The following EIF2S3 variants were observed in gnomAD, a reference collection of about 807,000 sequenced individuals.
EIF2S3 encodes the protein eukaryotic translation initiation factor 2 subunit 3.
A neutral mutation model predicts 31.7 loss-of-function variants in EIF2S3; 2 were observed. That is an observed-to-expected ratio of 0.06 (90% confidence interval 0.03 to 0.20). EIF2S3 has a LOEUF of 0.20. Ranked by LOEUF, EIF2S3 falls within the 10% of genes least tolerant of loss-of-function variation. EIF2S3 has a pLI of 1.00. For missense variants in EIF2S3, 96 were observed against 359.3 expected (o/e 0.27, Z 5.92); for synonymous variants, 120 against 126.7 (o/e 0.95, Z 0.36).
chrX:24,069,019 C>T (rs1185182963), intron 9 of EIF2S3, among the ~76,000 whole-genome samples: 1 of 111,143 alleles, frequency 9.0e-6, no homozygotes, highest in Non-Finnish European at 1.9e-5. Flanking sequence ...TAATTCTTCA[C>T]CCAATAAGTT....
chrX:24,062,965 C>T (rs1367025603), intron 6 of EIF2S3, among the ~76,000 whole-genome samples: 2 of 111,725 alleles, frequency 1.8e-5, no homozygotes, highest in East Asian at 2.8e-4. Flanking sequence ...GAGTGTCGGC[C>T]GGGCATGGTG....
chrX:24,067,222 G>T (rs1422628277), intron 8 of EIF2S3, among the ~76,000 whole-genome samples: 1 of 110,946 alleles, frequency 9.0e-6, no homozygotes, highest in Non-Finnish European at 1.9e-5. Flanking sequence ...TTTTTTGGTA[G>T]AGATGGGGTT....
intron 5 of EIF2S3, among the ~76,000 whole-genome samples, chrX:24,061,094 A>G: frequency 9.4e-6 from 1 of 106,526 alleles, no homozygotes. Context: ...TGTCTCTGCT[A>G]AAACTACAAA....
intron 9 of EIF2S3, among the ~76,000 whole-genome samples, chrX:24,068,529 C>G (rs1290359282): frequency 5.5e-5 from 6 of 109,748 alleles, no homozygotes; most frequent in Non-Finnish European, 1.1e-4. Flanking sequence ...ACTGCAGCCT[C>G]TGCCTCCCAG....
At position 24,057,619 on chromosome X, in the gene EIF2S3, T is replaced by A. The variant is rs1327972932; in HGVS notation, c.262-14T>A. The A allele has an allele frequency of 1.7e-6, 2 of 1,208,498 alleles. No individual in the cohort carries two copies. The highest frequency in any genetic ancestry group is 4.5e-5 in the Admixed American group (2 of 44,941). On this transcript the variant is annotated splice_polypyrimidine_tract_variant and intron_variant, in intron 3 of 11. Transcript: ENST00000253039. ...CAGATAACAAATCAAAATCTTTTTTTATTGAAATTTTAGATTTATAAGCTT... is the reference window on the plus strand; with the variant it reads ...CAGATAACAAATCAAAATCTTTTTTAATTGAAATTTTAGATTTATAAGCTT...
At chrX:24,072,735 G>A (rs767720155) in intron 10 of EIF2S3, among the ~76,000 whole-genome samples, 9 of 111,353 alleles carry the variant, frequency 8.1e-5, no homozygotes, top group Non-Finnish European at 1.7e-4. Context: ...AATGTGCTGG[G>A]ATTACAGGCG....
At chrX:24,060,948 C>CAAAA (rs35873085) in intron 5 of EIF2S3, among the ~76,000 whole-genome samples, 2 of 24,284 alleles carry the variant, frequency 8.2e-5, no homozygotes, top group Non-Finnish European at 1.3e-4. Flanking sequence ...AACTACATCT[C>CAAAA]AAAAAAAAAA....
At chrX:24,068,421 A>G (rs779625372) in intron 9 of EIF2S3, among the ~76,000 whole-genome samples, 2 of 111,153 alleles carry the variant, frequency 1.8e-5, no homozygotes, top group South Asian at 7.4e-4. Context: ...TTTTGTTAAC[A>G]TGATTTTTGT....
chrX:24,070,333 A>C (rs920057672), intron 9 of EIF2S3, among the ~76,000 whole-genome samples: 17 of 108,935 alleles, frequency 1.6e-4, no homozygotes, highest in Non-Finnish European at 2.5e-4. Context: ...CAGCAGCAAA[A>C]AAAAGTTTTC....
At chrX:24,066,313 C>T (rs764723688) in intron 8 of EIF2S3, among the ~76,000 whole-genome samples, 1 of 109,826 alleles carries the variant, frequency 9.1e-6, no homozygotes, top group Admixed American at 9.9e-5. Flanking sequence ...ACCTCTGAAT[C>T]CACAATCTAC....
Position 24,064,352 on chromosome X carries a change from G to A in EIF2S3, c.772+17G>A. On this transcript the variant is annotated intron_variant, in intron 7 of 11. Transcript: ENST00000253039. ...GGCTTATTGGTAAGTGATAGGATTT[G>A]CCTTTAACTCTTAATCTGATCTTTT... 8.7e-7 allele frequency: 1 copy of A among 1,148,591 alleles called. No homozygotes were observed. The allele number at this position is 1,148,591 out of a possible 1,213,427, so 94.7% of individuals were successfully genotyped here.
chrX:24,072,992 A>T, intron 10 of EIF2S3, 99 bp from the exon 11 acceptor site: 1 of 923,590 alleles, frequency 1.1e-6, no homozygotes, highest in Non-Finnish European at 1.5e-6. Flanking sequence ...TTTTTTTATG[A>T]TTGACATATT....
In EIF2S3 at chrX:24,055,824, C is replaced by T. The variant is rs754557969; in HGVS notation, c.133+146C>T. The T allele has an allele frequency of 2.9e-5, 17 of 582,706 alleles. No homozygotes were observed. The East Asian group carries it at 5.8e-4, about 20-fold the overall frequency. The allele number at this position is 582,706 out of a possible 1,213,427, so 48.0% of individuals were successfully genotyped here. ...GTGAATAAAGCATCTGCTACATTTGCGGTGCAGGGGGAGCACAAAGAATGC... is the reference window on the plus strand; with the variant it reads ...GTGAATAAAGCATCTGCTACATTTGTGGTGCAGGGGGAGCACAAAGAATGC... On this transcript the variant is annotated intron_variant, in intron 2 of 11. Coordinates refer to ENST00000253039, the MANE Select transcript of EIF2S3 (RefSeq NM_001415.4).
At position 24,055,684 on chromosome X, in the gene EIF2S3, A is replaced by T; in HGVS notation, c.133+6A>T. On this transcript the variant is annotated splice_donor_region_variant and intron_variant, in intron 2 of 11. Transcript: ENST00000253039. ...ACAAGCCACAATTAACATAGGTAAG[A>T]GTAACTTAAGAGACCTAACCTTGGT... The T allele has an allele frequency of 8.3e-7, 1 of 1,209,047 alleles. No individual in the cohort carries two copies. Among genetic ancestry groups the T allele is most frequent in the Non-Finnish European group, 1.1e-6 (1 of 892,986 alleles).
intron 11 of EIF2S3, 22 bp downstream of exon 11, chrX:24,073,285 A>G (rs756083089): frequency 1.7e-6 from 2 of 1,208,815 alleles, no homozygotes; most frequent in Non-Finnish European, 2.2e-6. Flanking sequence ...AGTCTTTGCC[A>G]CTGTCTAATT....
At chrX:24,055,169 G>A (rs1162136205) in intron 1 of EIF2S3, 132 bp downstream of exon 1, 13 of 756,718 alleles carry the variant, frequency 1.7e-5, no homozygotes, top group Non-Finnish European at 1.9e-5. Context: ...ACCTGGAACT[G>A]GGCGCCCTAA....
chrX:24,066,527 T>TC lies in EIF2S3; in HGVS notation c.867+435_867+436insC, dbSNP rs369308542. On this transcript the variant is annotated intron_variant, in intron 8 of 11. Transcript: ENST00000253039. ...TGCTGCCATTGCTTTTCTTTTCTTT[T>TC]TTTTTTTTTTCTTGAGGCGGAGTCT... Among the ~76,000 whole-genome samples the TC allele has an allele frequency of 2.8e-5, 3 of 106,712 alleles. No homozygotes were observed. In the Admixed American group the frequency reaches 3.0e-4, roughly 11 times the overall value. The allele number at this position is 106,712 out of a possible 115,157, so 92.7% of individuals were successfully genotyped here.
intron 4 of EIF2S3, among the ~76,000 whole-genome samples, chrX:24,059,204 C>T (rs1930453596): frequency 8.9e-6 from 1 of 111,738 alleles, no homozygotes; most frequent in Admixed American, 9.6e-5. Flanking sequence ...CAGAAGCAAA[C>T]GTAGACAATA....
intron 11 of EIF2S3, among the ~76,000 whole-genome samples, chrX:24,074,467 A>G (rs184278874): frequency 7.2e-5 from 8 of 111,771 alleles, no homozygotes; most frequent in African/African-American, 2.3e-4. Flanking sequence ...TACCCTTGCA[A>G]CTAATAAGCA....
Sources: gnomAD v4.1 joint callset for allele counts (sites outside exome capture counted in the v4.1 genomes callset) on GRCh38, gnomAD v4.1.1 for gene constraint, MANE v1.5 for transcripts, NCBI Gene and HGNC (gene_info 2026-07-23, HGNC 2026-07-21) for gene names.